ERG: variants seen among roughly 807,000 people sequenced by gnomAD.
The protein encoded by ERG is transcriptional regulator ERG.
ERG carries 9 observed loss-of-function variants against 55.3 expected under a neutral mutation model. The ratio of observed to expected loss-of-function variants is 0.16; its 90% confidence interval spans 0.10 to 0.28. The LOEUF (loss-of-function observed/expected upper bound fraction) is 0.28, where lower values mean the gene tolerates loss of function less well. Ranked by LOEUF, ERG falls within the 10% of genes least tolerant of loss-of-function variation. ERG has a pLI of 1.00. For missense variants in ERG, 434 were observed against 631.6 expected (o/e 0.69, Z 3.35); for synonymous variants, 223 against 237.3 (o/e 0.94, Z 0.55).
chr21:38,534,498 T>C (rs147248298), intron 2 of ERG, among the ~76,000 whole-genome samples: 2 of 152,236 alleles, frequency 1.3e-5, no homozygotes, highest in East Asian at 3.9e-4. Context: ...CATTCTTTAG[T>C]CTTAGAAAAT....
At chr21:38,586,711 A>G (rs986685549), upstream of ERG, among the ~76,000 whole-genome samples, 1 of 152,220 alleles carries the variant, frequency 6.6e-6, no homozygotes, top group African/African-American at 2.4e-5. Flanking sequence ...TGTTTTACAA[A>G]TGTACTACAA....
chr21:38,380,251 C>A lies in ERG; in HGVS notation c.*3152G>T. On this transcript the variant is annotated 3_prime_UTR_variant, in exon 10 of 10. Coordinates refer to ENST00000288319, the MANE Select transcript of ERG (RefSeq NM_182918.4). ...CTGAGCTGTAGCCATCTCTGCTGCA[C>A]CTGCTGTCAGAGGGCAGCTCCTCCG... The A allele has an allele frequency of 9.5e-7, 1 of 1,055,618 alleles. No homozygotes were observed. The highest frequency in any genetic ancestry group is 1.1e-6 in the Non-Finnish European group (1 of 873,236). 65.4% of individuals were successfully genotyped at this position (1,055,618 alleles called of 1,614,324 possible).
chr21:38,459,966 GTAAGTGA>G (rs1479461746), intron 1 of ERG, among the ~76,000 whole-genome samples: 1 of 152,192 alleles, frequency 6.6e-6, no homozygotes, highest in Non-Finnish European at 1.5e-5. Flanking sequence ...TTAGAAGGTG[GTAAGTGA>G]TAAGTATGAA....
At chr21:38,404,483 A>G (rs1988666403) in intron 3 of ERG, among the ~76,000 whole-genome samples, 1 of 152,152 alleles carries the variant, frequency 6.6e-6, no homozygotes, top group Non-Finnish European at 1.5e-5. Context: ...GGGGAGAAGG[A>G]GCAGGTGATC....
chr21:38,612,374 T>G (rs2060232894), intron 1 of ERG, among the ~76,000 whole-genome samples: 1 of 152,178 alleles, frequency 6.6e-6, no homozygotes, highest in South Asian at 2.1e-4. Flanking sequence ...TTAATAAAAT[T>G]TTGACATTTT....
intron 2 of ERG, among the ~76,000 whole-genome samples, chr21:38,437,138 C>T (rs1227807455): frequency 6.6e-6 from 1 of 152,178 alleles, no homozygotes; most frequent in Non-Finnish European, 1.5e-5. Context: ...ATCTGCCCAC[C>T]TCAGCCTCCC....
intron 1 of ERG, chr21:38,584,709 A>C (rs2060051630): frequency 6.6e-6 from 1 of 152,254 alleles, no homozygotes; most frequent in African/African-American, 2.4e-5. Context: ...TACAGCAAAG[A>C]ATCCAGAAAT....
At chr21:38,563,058 C>T (rs1407483239) in intron 2 of ERG, among the ~76,000 whole-genome samples, 2 of 152,116 alleles carry the variant, frequency 1.3e-5, no homozygotes, top group Admixed American at 1.3e-4. Context: ...AACCATATGA[C>T]AGTCTGGAAA....
rs1989021901 is a variant in ERG at position 38,411,021 on chromosome 21, C to T, written c.389-7312G>A. Among the ~76,000 whole-genome samples, 4 of 152,216 alleles carry T rather than the reference C, an allele frequency of 2.6e-5. No individual in the cohort carries two copies. In the East Asian group the frequency reaches 5.8e-4, roughly 22 times the overall value. ...CCAGGCCCTGGGCAAGTCAGCCAAT[C>T]TGCTGTCCAAGACACTCATAAGCCT... On this transcript the variant is annotated intron_variant, in intron 3 of 9. Transcript: ENST00000288319.
chr21:38,487,238 G>A (rs1346908975), intron 1 of ERG, among the ~76,000 whole-genome samples: 1 of 150,776 alleles, frequency 6.6e-6, no homozygotes. Context: ...CATTGGTACA[G>A]GAGTAAAGAC....
At position 38,425,398 on chromosome 21, in the gene ERG, GGAAA is replaced by G. The variant is rs545445582; in HGVS notation, c.237-1841_237-1838del. On this transcript the variant is annotated intron_variant, in intron 2 of 9. Transcript: ENST00000288319. ...GAAACTCCATCAAAAAAAGAAGAAA[GGAAA>G]GAAAGAAAGAAAGAGAGAGAGAAAG... Among the ~76,000 whole-genome samples the G allele has an allele frequency of 1.0e-3, 149 of 149,416 alleles. 1 individual carries two copies. The highest frequency in any genetic ancestry group is 3.1e-3 in the African/African-American group (125 of 40,592).
At chr21:38,524,192 T>G (rs889170368) in intron 2 of ERG, among the ~76,000 whole-genome samples, 1 of 152,174 alleles carries the variant, frequency 6.6e-6, no homozygotes. Flanking sequence ...GGAAGGGGTA[T>G]GGAATGCACT....
chr21:38,462,296 T>A (rs1459690036), intron 1 of ERG, among the ~76,000 whole-genome samples: 1 of 152,206 alleles, frequency 6.6e-6, no homozygotes, highest in African/African-American at 2.4e-5. Flanking sequence ...TTATTGTTAT[T>A]TTTAAATGAA....
At chr21:38,610,285 TACC>T (rs1353059700) in intron 1 of ERG, among the ~76,000 whole-genome samples, 6 of 152,212 alleles carry the variant, frequency 3.9e-5, no homozygotes, top group Non-Finnish European at 8.8e-5. Context: ...CTAAAAGCAA[TACC>T]CAAGCTTGAG....
At chr21:38,610,536 TG>T (rs2060220803) in intron 1 of ERG, among the ~76,000 whole-genome samples, 1 of 152,146 alleles carries the variant, frequency 6.6e-6, no homozygotes, top group Non-Finnish European at 1.5e-5. Flanking sequence ...CGTGTGTGTG[TG>T]TGTGTGTGTG....
chr21:38,452,478 GTATACA>G (rs1198139887), intron 1 of ERG, among the ~76,000 whole-genome samples: 1 of 152,118 alleles, frequency 6.6e-6, no homozygotes, highest in African/African-American at 2.4e-5. Flanking sequence ...TCATACATAT[GTATACA>G]TATTACTAAA....
rs114851752 is a variant in ERG, at chr21:38,426,942, G to T, written c.237-3381C>A. 5.9e-3 allele frequency among the ~76,000 whole-genome samples: 835 copies of T among 140,356 alleles called. 4 individuals carry two copies. The highest frequency in any genetic ancestry group is 0.021 in the African/African-American group (810 of 38,048). The allele number at this position is 140,356 out of a possible 152,430, so 92.1% of individuals were successfully genotyped here. Reference sequence around the variant, plus strand: ...CAAGACTCCATGTCAAAAAAAAAAAGAATTATAGAAACAGGGGACATTGAG... The same window carrying T: ...CAAGACTCCATGTCAAAAAAAAAAATAATTATAGAAACAGGGGACATTGAG... On this transcript the variant is annotated intron_variant, in intron 2 of 9. Transcript: ENST00000288319.
chr21:38,554,606 G>A (rs1363623780), intron 2 of ERG, among the ~76,000 whole-genome samples: 2 of 152,190 alleles, frequency 1.3e-5, no homozygotes, highest in Non-Finnish European at 2.9e-5. Flanking sequence ...TCACTTATAA[G>A]TGGGAGCTAA....
intron 2 of ERG, among the ~76,000 whole-genome samples, chr21:38,506,021 G>GT (rs35198075): frequency 0.86 from 129,606 of 151,032 alleles, 55,681 homozygotes; most frequent in African/African-American, 0.9. Context: ...CAGAAATGGT[G>GT]TTTTTTTTTG....
Sources: allele counts gnomAD v4.1 joint callset (sites outside exome capture counted in the v4.1 genomes callset), GRCh38; gene constraint gnomAD v4.1.1; transcripts MANE v1.5; gene names NCBI Gene and HGNC (gene_info 2026-07-23, HGNC 2026-07-21).